CDC42BPA: variants seen among roughly 807,000 people sequenced by gnomAD.
The protein encoded by CDC42BPA is CDC42 binding protein kinase alpha.
In CDC42BPA, 80 loss-of-function variants were observed where a neutral mutation model predicts 223.5. That is an observed-to-expected ratio of 0.36 (90% CI 0.30 to 0.43). The LOEUF is 0.43. CDC42BPA is among the 20% of genes least tolerant of loss of function. The pLI is 1.00. For missense variants in CDC42BPA, 1,743 were observed against 2,099.9 expected (o/e 0.83, Z 3.32); for synonymous variants, 694 against 718.6 (o/e 0.97, Z 0.55).
At chr1:227,045,752 C>T (rs1672315162) in intron 23 of CDC42BPA, among the ~76,000 whole-genome samples, 1 of 152,048 alleles carries the variant, frequency 6.6e-6, no homozygotes, top group Non-Finnish European at 1.5e-5. Context: ...TCTCATATTG[C>T]TCTGTTTCTT....
At chr1:227,010,861 G>A in intron 34 of CDC42BPA, 3 of 1,336,494 alleles carry the variant, frequency 2.2e-6, no homozygotes, top group Non-Finnish European at 3.0e-6. Context: ...GTTAACACCT[G>A]ACTCAGCTGT....
chr1:227,170,797 TCTC>T (rs1418385535), intron 5 of CDC42BPA, among the ~76,000 whole-genome samples: 4 of 152,158 alleles, frequency 2.6e-5, no homozygotes, highest in Admixed American at 6.5e-5. Flanking sequence ...TAATCTGACT[TCTC>T]CTCCACCCAA....
intron 6 of CDC42BPA, among the ~76,000 whole-genome samples, chr1:227,155,912 G>A (rs566487477): frequency 6.6e-6 from 1 of 152,216 alleles, no homozygotes; most frequent in South Asian, 2.1e-4. Context: ...ATCTACCATG[G>A]TAGGATAGTA....
Position 227,112,828 on chromosome 1 carries a change from T to G in CDC42BPA, c.1733A>C (p.Glu578Ala). 1 of 1,614,090 alleles carries G rather than the reference T, an allele frequency of 6.2e-7. No individual in the cohort carries two copies. The highest frequency in any genetic ancestry group is 8.5e-7 in the Non-Finnish European group (1 of 1,179,942). The change falls in exon 13 of 37, where the codon GAA becomes GCA. Residue 578 changes from glutamate to alanine, a missense_variant. Around this residue, in one of 6 missense-constraint regions of CDC42BPA, gnomAD observed 464 missense variants for 488.0 expected, o/e 0.95. Coordinates refer to ENST00000366766, the MANE Select transcript of CDC42BPA (RefSeq NM_001394014.1). ...AHCQRKLAMQ[E>A]FMEINERLTE... is the part of the protein sequence containing the mutation. ...TAGCCGCTCATTGATCTCCATGAAT[T>G]CCTGCATGGCCAGTTTCCTCTGACA...
chr1:227,173,706 G>A (rs1237904741), intron 5 of CDC42BPA, among the ~76,000 whole-genome samples: 1 of 151,994 alleles, frequency 6.6e-6, no homozygotes, highest in Non-Finnish European at 1.5e-5. Context: ...AGCTCCACAT[G>A]TGGTATTTTT....
At chr1:227,270,745 G>C (rs375672739) in intron 1 of CDC42BPA, among the ~76,000 whole-genome samples, 2 of 151,676 alleles carry the variant, frequency 1.3e-5, no homozygotes, top group Admixed American at 1.3e-4. Context: ...TCCCCTCCCC[G>C]ACCCACCACC....
intron 11 of CDC42BPA, 109 bp from the exon 12 acceptor site, chr1:227,120,046 T>A (rs1688386140): frequency 7.8e-6 from 6 of 765,520 alleles, no homozygotes; most frequent in Non-Finnish European, 1.2e-5. Flanking sequence ...CAATTTAGTG[T>A]TAGATCTGAC....
At chr1:227,182,051 T>C (rs1478314001) in intron 5 of CDC42BPA, among the ~76,000 whole-genome samples, 2 of 152,192 alleles carry the variant, frequency 1.3e-5, no homozygotes, top group Non-Finnish European at 2.9e-5. Context: ...CCGTAAGACA[T>C]TGTAGGTATG....
intron 2 of CDC42BPA, among the ~76,000 whole-genome samples, chr1:227,248,162 A>G (rs1210630571): frequency 6.6e-6 from 1 of 152,222 alleles, no homozygotes; most frequent in Non-Finnish European, 1.5e-5. Flanking sequence ...AAATAAGAGT[A>G]GAAAGTTTAT....
chr1:227,103,892 GAGA>G (rs1685460606), intron 14 of CDC42BPA, among the ~76,000 whole-genome samples: 3 of 152,168 alleles, frequency 2.0e-5, no homozygotes, highest in South Asian at 2.1e-4. Context: ...AAAACTCTGA[GAGA>G]AGGACAAGCC....
chr1:227,125,308 T>C (rs1195974932), intron 11 of CDC42BPA, among the ~76,000 whole-genome samples: 1 of 151,798 alleles, frequency 6.6e-6, no homozygotes, highest in Non-Finnish European at 1.5e-5. Flanking sequence ...CAAACACATC[T>C]GCAAGAGTGG....
intron 1 of CDC42BPA, among the ~76,000 whole-genome samples, chr1:227,285,019 C>A (rs1419640079): frequency 6.6e-6 from 1 of 151,672 alleles, no homozygotes; most frequent in Admixed American, 6.6e-5. Context: ...CTGGTACATA[C>A]CTCTGGATAG....
chr1:227,249,819 G>A (rs1350517302), intron 2 of CDC42BPA, among the ~76,000 whole-genome samples: 1 of 152,124 alleles, frequency 6.6e-6, no homozygotes, highest in African/African-American at 2.4e-5. Flanking sequence ...TGAGGATGTG[G>A]AGAAAAAGGA....
At chr1:227,277,855 T>C (rs1687371026) in intron 1 of CDC42BPA, among the ~76,000 whole-genome samples, 1 of 152,146 alleles carries the variant, frequency 6.6e-6, no homozygotes, top group Non-Finnish European at 1.5e-5. Context: ...GTTCACATCA[T>C]TCTCCTGCCT....
intron 1 of CDC42BPA, among the ~76,000 whole-genome samples, chr1:227,281,508 C>T (rs563731876): frequency 6.6e-6 from 1 of 152,292 alleles, no homozygotes; most frequent in South Asian, 2.1e-4. Context: ...CCCTCAAAAG[C>T]AGTTGTCCCA....
At chr1:227,139,893 T>C in intron 9 of CDC42BPA, 151 bp from the exon 10 acceptor site, 1 of 409,826 alleles carries the variant, frequency 2.4e-6, no homozygotes, top group Non-Finnish European at 4.2e-6. Flanking sequence ...TCTGAATATC[T>C]TGCAGTTAGC....
In CDC42BPA at chr1:227,318,010, G is replaced by A. The variant is rs1455632082; in HGVS notation, c.-828C>T. On this transcript the variant is annotated 5_prime_UTR_variant, in exon 1 of 37. Transcript: ENST00000366766. ...GGCGGCACTGGCACCGGGCTCCGGA[G>A]AAGCGGCTACTTGGCCGCCCGAGCC... 1 of 382,280 alleles carries A rather than the reference G, an allele frequency of 2.6e-6. No individual in the cohort carries two copies. The highest frequency in any genetic ancestry group is 4.6e-6 in the Non-Finnish European group (1 of 216,290). 23.7% of individuals were successfully genotyped at this position (382,280 alleles called of 1,614,324 possible). A position where few individuals can be genotyped will look rare whatever the true frequency, so the allele number is the denominator to read the frequency against.
chr1:227,134,054 T>C (rs1355371191), intron 10 of CDC42BPA, among the ~76,000 whole-genome samples: 2 of 152,114 alleles, frequency 1.3e-5, no homozygotes, highest in Admixed American at 6.5e-5. Flanking sequence ...GCCTCCAAAA[T>C]CATCTCTCTC....
At chr1:227,238,526 G>A (rs1175273668) in intron 2 of CDC42BPA, among the ~76,000 whole-genome samples, 1 of 152,028 alleles carries the variant, frequency 6.6e-6, no homozygotes, top group African/African-American at 2.4e-5. Flanking sequence ...ACAGAGAAGA[G>A]TAGTTGCCAC....
Sources: gnomAD v4.1 joint callset for allele counts (sites outside exome capture counted in the v4.1 genomes callset) on GRCh38, gnomAD v4.1.1 for gene constraint, gnomAD v4.1.1 regional missense constraint, MANE v1.5 for transcripts, NCBI Gene and HGNC (gene_info 2026-07-23, HGNC 2026-07-21) for gene names.